The following PMAIP1 variants were observed in gnomAD, a reference collection of about 807,000 sequenced individuals.
PMAIP1 encodes PMA-induced protein 1.
PMAIP1 carries 3 observed loss-of-function variants against 3.7 expected under a neutral mutation model. The observed-to-expected ratio is 0.82, with a 90% CI of 0.37 to 2.12. PMAIP1 has a LOEUF of 2.12. Ranked by LOEUF, PMAIP1 falls within the 30% of genes most tolerant of loss-of-function variation. The pLI is 0.06. For synonymous variants in PMAIP1, 29 were observed against 26.2 expected (o/e 1.11, Z -0.32); for missense variants, 77 against 67.1 (o/e 1.15, Z -0.52).
Position 59,903,746 on chromosome 18 carries a change from A to C in PMAIP1, c.*993A>C, listed in dbSNP as rs2055790045. On this transcript the variant is annotated 3_prime_UTR_variant, in exon 2 of 2. Coordinates refer to ENST00000316660, the MANE Select transcript of PMAIP1 (RefSeq NM_021127.3). ...ATTGGAATATACTTTTCTTAAAAAAAAGGAACAGTTAGTTCTCATCTAGAA... is the reference window on the plus strand; with the variant it reads ...ATTGGAATATACTTTTCTTAAAAAACAGGAACAGTTAGTTCTCATCTAGAA... 6.6e-6 allele frequency: 1 copy of C among 152,196 alleles called. No homozygotes were observed. Among genetic ancestry groups the C allele is most frequent in the Non-Finnish European group, 1.5e-5 (1 of 68,020 alleles). 9.4% of individuals were successfully genotyped at this position (152,196 alleles called of 1,614,324 possible).
chr18:59,902,704 G>A lies in PMAIP1; in HGVS notation c.116G>A (p.Arg39Gln), dbSNP rs146841427. 8.7e-6 allele frequency: 14 copies of A among 1,614,122 alleles called. No homozygotes were observed. The highest frequency in any genetic ancestry group is 1.2e-5 in the Non-Finnish European group (14 of 1,180,002). Reference protein sequence around the residue: ...LRRFGDKLNFRQKLLNLISKL... With the variant: ...LRRFGDKLNFQQKLLNLISKL... ...AGATTTGGAGACAAACTGAACTTCCGGCAGAAACTTCTGAATCTGATATCC... is the reference window on the plus strand; with the variant it reads ...AGATTTGGAGACAAACTGAACTTCCAGCAGAAACTTCTGAATCTGATATCC... The change falls in exon 2 of 2, where the codon CGG becomes CAG. Residue 39 changes from arginine (R) to glutamine (Q), a missense_variant. Physicochemically the swap from Arg to Gln is conservative, Grantham distance 43. Transcript: ENST00000316660.
In PMAIP1 at chr18:59,902,912, A is replaced by T; in HGVS notation, c.*159A>T. 3 of 1,195,182 alleles carry T rather than the reference A, an allele frequency of 2.5e-6. No individual in the cohort carries two copies. The South Asian group carries it at 4.0e-5, about 16-fold the overall frequency. 74.0% of individuals were successfully genotyped at this position (1,195,182 alleles called of 1,614,324 possible). A position where few individuals can be genotyped will look rare whatever the true frequency, so the allele number is the denominator to read the frequency against. The stretch of plus-strand genomic sequence containing the variant: ...CGGAAGATGGAATACATCAAAGTGA[A>T]TTTCTGTTCAAGTTTTCCCAGATTA... On this transcript the variant is annotated 3_prime_UTR_variant, in exon 2 of 2. Coordinates refer to ENST00000316660, the MANE Select transcript of PMAIP1 (RefSeq NM_021127.3).
intron 1 of PMAIP1, among the ~76,000 whole-genome samples, chr18:59,901,061 C>T (rs2055764368): frequency 6.6e-6 from 1 of 152,160 alleles, no homozygotes. Flanking sequence ...GCTGCTGTCT[C>T]TGGCGCTTGT....
At chr18:59,900,528 T>G in intron 1 of PMAIP1, 1 of 1,550,468 alleles carries the variant, frequency 6.4e-7, no homozygotes, top group African/African-American at 1.4e-5. Flanking sequence ...CCTCCTCTCT[T>G]TCCTCCTCGC....
At chr18:59,901,213 A>G (rs1007258603) in intron 1 of PMAIP1, among the ~76,000 whole-genome samples, 1 of 152,118 alleles carries the variant, frequency 6.6e-6, no homozygotes, top group African/African-American at 2.4e-5. Context: ...AGTCCCTCTT[A>G]AACTTGATTT....
chr18:59,903,623 C>A lies in PMAIP1; in HGVS notation c.*870C>A, dbSNP rs2055789170. 1 of 152,080 alleles carries A rather than the reference C, an allele frequency of 6.6e-6. No individual in the cohort carries two copies. The allele number at this position is 152,080 out of a possible 1,614,324, so 9.4% of individuals were successfully genotyped here. On this transcript the variant is annotated 3_prime_UTR_variant, in exon 2 of 2. Transcript: ENST00000316660. ...GTAACTTGATAAGATATGAATGTTT[C>A]TAAAGAAGTTTCTAAAGGTTCGGAA...
intron 1 of PMAIP1, chr18:59,900,524 C>G (rs1392413061): frequency 1.3e-6 from 2 of 1,550,510 alleles, no homozygotes; most frequent in East Asian, 2.4e-5. Context: ...CTTTCCTCCT[C>G]TCTTTCCTCC....
intron 1 of PMAIP1, chr18:59,900,587 C>T: frequency 5.2e-6 from 8 of 1,550,110 alleles, no homozygotes; most frequent in Non-Finnish European, 7.0e-6. Context: ...GTGTAGGCGG[C>T]TGTCTCTAGG....
In PMAIP1 at chr18:59,902,644, C is replaced by G. The variant is rs2055780258; in HGVS notation, c.59-3C>G. ...CATGTCCATGTTTTGCTTTCCTTCT[C>G]AGAGCTGGAAGTCGAGTGTGCTACT... is the stretch of plus-strand genomic sequence containing the variant. On this transcript the variant is annotated splice_region_variant and splice_polypyrimidine_tract_variant and intron_variant, in intron 1 of 1. Transcript: ENST00000316660. 1 of 1,613,628 alleles carries G rather than the reference C, an allele frequency of 6.2e-7. No individual in the cohort carries two copies. Among genetic ancestry groups the G allele is most frequent in the Non-Finnish European group, 8.5e-7 (1 of 1,179,658 alleles).
rs2055787519 is a variant in PMAIP1 at position 59,903,388 on chromosome 18, G to A, written c.*635G>A. 1 of 153,308 alleles carries A rather than the reference G, an allele frequency of 6.5e-6. No homozygotes were observed. The highest frequency in any genetic ancestry group is 2.0e-4 in the South Asian group (1 of 4,880). The allele number at this position is 153,308 out of a possible 1,614,324, so 9.5% of individuals were successfully genotyped here. On this transcript the variant is annotated 3_prime_UTR_variant, in exon 2 of 2. Transcript: ENST00000316660. ...CTTTCATTCAATGTGTTCCTGTTGG[G>A]CGTTACTAGAAACTATGGAAAACTG...
chr18:59,900,030 A>T lies in PMAIP1; in HGVS notation c.-148A>T. 1.4e-6 allele frequency: 1 copy of T among 739,282 alleles called. No individual in the cohort carries two copies. Among genetic ancestry groups the T allele is most frequent in the Non-Finnish European group, 2.1e-6 (1 of 483,734 alleles). 45.8% of individuals were successfully genotyped at this position (739,282 alleles called of 1,614,324 possible). On this transcript the variant is annotated 5_prime_UTR_variant, in exon 1 of 2. Coordinates refer to ENST00000316660, the MANE Select transcript of PMAIP1 (RefSeq NM_021127.3). ...CGGGCACTCACCGTGTGTAGTTGGCATCTCCGCGCGTCCGGACACCCGATC... is the reference window on the plus strand; with the variant it reads ...CGGGCACTCACCGTGTGTAGTTGGCTTCTCCGCGCGTCCGGACACCCGATC...
At chr18:59,902,579 T>C in intron 1 of PMAIP1, 68 bp from the exon 2 acceptor site, 2 of 1,342,422 alleles carry the variant, frequency 1.5e-6, no homozygotes, top group South Asian at 2.3e-5. Context: ...TGTGGGCGTA[T>C]TAGGTTTTGC....
rs746268232 is a variant in PMAIP1 at position 59,902,592 on chromosome 18, G to T, written c.59-55G>T. The T allele has an allele frequency of 2.8e-4, 405 of 1,467,220 alleles. 1 individual carries two copies. Among genetic ancestry groups the T allele is most frequent in the Non-Finnish European group, 3.6e-4 (377 of 1,047,698 alleles). 90.9% of individuals were successfully genotyped at this position (1,467,220 alleles called of 1,614,324 possible). On this transcript the variant is annotated intron_variant, in intron 1 of 1. Transcript: ENST00000316660. ...AGTGTGGGCGTATTAGGTTTTGCTGGTTACAGTCTGTAATATCATCAATGT... is the reference window on the plus strand; with the variant it reads ...AGTGTGGGCGTATTAGGTTTTGCTGTTTACAGTCTGTAATATCATCAATGT...
rs1448436216 is a variant in PMAIP1 at position 59,903,414 on chromosome 18, G to A, written c.*661G>A. ...CGTTACTAGAAACTATGGAAAACTG[G>A]AAAATAACTTTGAAAAAATTGGATA... On this transcript the variant is annotated 3_prime_UTR_variant, in exon 2 of 2. Coordinates refer to ENST00000316660, the MANE Select transcript of PMAIP1 (RefSeq NM_021127.3). The A allele has an allele frequency of 1.3e-5, 2 of 152,958 alleles. No homozygotes were observed. The highest frequency in any genetic ancestry group is 2.9e-5 in the Non-Finnish European group (2 of 68,358). The allele number at this position is 152,958 out of a possible 1,614,324, so 9.5% of individuals were successfully genotyped here. A position where few individuals can be genotyped will look rare whatever the true frequency, so the allele number is the denominator to read the frequency against.
chr18:59,900,224 G>T lies in PMAIP1; in HGVS notation c.47G>T (p.Arg16Leu). The T allele has an allele frequency of 6.4e-7, 1 of 1,551,338 alleles. No homozygotes were observed. Among genetic ancestry groups the T allele is most frequent in the East Asian group, 2.4e-5 (1 of 42,106 alleles). ...ARKNAQPSPA[R>L]APAELEVECA... is the part of the protein sequence containing the mutation. ...AAGAACGCTCAACCGAGCCCCGCGC[G>T]GGCTCCAGCAGGTACCGACCCGCTG... Residue 16 changes from arginine to leucine, a missense_variant, in exon 1 of 2, where the codon CGG becomes CTG. Arg to Leu is a moderately radical substitution (Grantham distance 102, BLOSUM62 -2). Coordinates refer to ENST00000316660, the MANE Select transcript of PMAIP1 (RefSeq NM_021127.3).
In PMAIP1 at chr18:59,901,749, T is replaced by G. The variant is rs578027145; in HGVS notation, c.59-898T>G. Among the ~76,000 whole-genome samples, 7 of 152,344 alleles carry G rather than the reference T, an allele frequency of 4.6e-5. No individual in the cohort carries two copies. The East Asian group carries it at 1.3e-3, about 29-fold the overall frequency. On this transcript the variant is annotated intron_variant, in intron 1 of 1. Coordinates refer to ENST00000316660, the MANE Select transcript of PMAIP1 (RefSeq NM_021127.3). ...AGACCTCAAGCTGCTCTTTGAAATATTCAAGAAAATTGAAATTATAGTCAG... is the reference window on the plus strand; with the variant it reads ...AGACCTCAAGCTGCTCTTTGAAATAGTCAAGAAAATTGAAATTATAGTCAG...
intron 1 of PMAIP1, chr18:59,900,606 ATTG>A: frequency 6.5e-7 from 1 of 1,548,680 alleles, no homozygotes; most frequent in Non-Finnish European, 8.7e-7. Flanking sequence ...GGAGAAAGTC[ATTG>A]TCGCGGCAGA....
intron 1 of PMAIP1, chr18:59,900,599 G>C (rs1378091596): frequency 4.5e-6 from 7 of 1,549,374 alleles, no homozygotes; most frequent in Non-Finnish European, 5.2e-6. Flanking sequence ...GTCTCTAGGA[G>C]AAAGTCATTG....
intron 1 of PMAIP1, chr18:59,900,676 C>T (rs1031901047): frequency 1.6e-6 from 2 of 1,256,908 alleles, no homozygotes; most frequent in African/African-American, 1.5e-5. Context: ...CAGAGACGGC[C>T]CCACAAGGGC....
Sources: allele counts gnomAD v4.1 joint callset (sites outside exome capture counted in the v4.1 genomes callset), GRCh38; gene constraint gnomAD v4.1.1; transcripts MANE v1.5; gene names NCBI Gene and HGNC (gene_info 2026-07-23, HGNC 2026-07-21).